NCOA2: variants seen among roughly 807,000 people sequenced by gnomAD.
NCOA2 encodes the protein nuclear receptor coactivator 2.
Under a neutral mutation model 145.1 loss-of-function variants are expected in NCOA2, and 21 were observed. The observed-to-expected ratio is 0.14, with a 90% CI of 0.10 to 0.21. The LOEUF is 0.21. Among genes scored for constraint, NCOA2 ranks in the 10% least tolerant of loss-of-function variants. The pLI is 1.00. For synonymous variants in NCOA2, 619 were observed against 637.5 expected (o/e 0.97, Z 0.44); for missense variants, 1,472 against 1,837.6 (o/e 0.80, Z 3.64).
intron 4 of NCOA2, among the ~76,000 whole-genome samples, chr8:70,212,689 T>A (rs1306999484): frequency 6.6e-6 from 1 of 152,164 alleles, no homozygotes; most frequent in Non-Finnish European, 1.5e-5. Flanking sequence ...GGCTCATGTA[T>A]TATAAAGACA....
chr8:70,438,927 T>C, the NCOA2 span, among the ~76,000 whole-genome samples: 1 of 152,136 alleles, frequency 6.6e-6, no homozygotes, highest in African/African-American at 2.4e-5. Flanking sequence ...ATTCCAATGG[T>C]TTTCTGCATT....
intron 2 of NCOA2, among the ~76,000 whole-genome samples, chr8:70,254,538 T>C (rs1823473072): frequency 6.6e-6 from 1 of 152,126 alleles, no homozygotes; most frequent in Non-Finnish European, 1.5e-5. Flanking sequence ...GAAAAAGAAA[T>C]TTTAACACCA....
At chr8:70,148,222 T>C (rs1811323236) in intron 12 of NCOA2, 51 bp downstream of exon 12, 22 of 1,545,906 alleles carry the variant, frequency 1.4e-5, no homozygotes, top group Non-Finnish European at 2.0e-5. Context: ...CTGTTTCTGA[T>C]AGTGATTATA....
At chr8:70,319,252 T>A (rs1390938344) in intron 1 of NCOA2, among the ~76,000 whole-genome samples, 1 of 152,004 alleles carries the variant, frequency 6.6e-6, no homozygotes, top group Non-Finnish European at 1.5e-5. Context: ...TATAAAGAGC[T>A]CTATTTAGGC....
At chr8:70,122,778 TCTA>T (rs1290249292) in intron 21 of NCOA2, among the ~76,000 whole-genome samples, 1 of 152,220 alleles carries the variant, frequency 6.6e-6, no homozygotes, top group East Asian at 1.9e-4. Flanking sequence ...AAAATTGTGG[TCTA>T]CTAACAGAAT....
At chr8:70,256,464 A>G (rs1258340538) in intron 2 of NCOA2, among the ~76,000 whole-genome samples, 1 of 152,240 alleles carries the variant, frequency 6.6e-6, no homozygotes, top group Non-Finnish European at 1.5e-5. Context: ...ATGAAGAAGC[A>G]GTAGTATTGT....
At chr8:70,321,619 G>T (rs536988166) in intron 1 of NCOA2, among the ~76,000 whole-genome samples, 4 of 152,102 alleles carry the variant, frequency 2.6e-5, no homozygotes, top group African/African-American at 9.6e-5. Flanking sequence ...TCTCACAGAG[G>T]AAGTAGACTT....
At chr8:70,233,252 T>C (rs948915765) in intron 2 of NCOA2, among the ~76,000 whole-genome samples, 8 of 152,008 alleles carry the variant, frequency 5.3e-5, no homozygotes, top group Non-Finnish European at 7.4e-5. Context: ...ACGTGTCATA[T>C]ACCATATTTC....
intron 1 of NCOA2, among the ~76,000 whole-genome samples, chr8:70,300,446 T>C (rs931798451): frequency 6.6e-6 from 1 of 152,212 alleles, no homozygotes; most frequent in Non-Finnish European, 1.5e-5. Context: ...AGGGTAAAGG[T>C]AGTTCTAGCT....
intron 1 of NCOA2, among the ~76,000 whole-genome samples, chr8:70,347,135 T>A (rs1487512637): frequency 6.6e-6 from 1 of 152,146 alleles, no homozygotes; most frequent in Non-Finnish European, 1.5e-5. Context: ...TTTACACACA[T>A]GTACTTTTAT....
intron 3 of NCOA2, among the ~76,000 whole-genome samples, 169 bp downstream of exon 3, chr8:70,216,491 G>C (rs1819633119): frequency 6.6e-6 from 1 of 152,148 alleles, no homozygotes; most frequent in African/African-American, 2.4e-5. Flanking sequence ...ATCTGTAACT[G>C]ATTTGCATAT....
the NCOA2 span, among the ~76,000 whole-genome samples, chr8:70,426,446 T>C: frequency 6.6e-6 from 1 of 152,204 alleles, no homozygotes; most frequent in African/African-American, 2.4e-5. Context: ...AGAAATCAAT[T>C]CAAATTGACA....
intron 1 of NCOA2, among the ~76,000 whole-genome samples, chr8:70,379,643 G>A (rs998790091): frequency 5.9e-5 from 9 of 151,922 alleles, no homozygotes; most frequent in East Asian, 1.9e-4. Flanking sequence ...AAGCACACCC[G>A]AAGAGAAAAA....
chr8:70,111,927 G>T lies in NCOA2; in HGVS notation c.*1705C>A, dbSNP rs1350700560. 3 of 221,920 alleles carry T rather than the reference G, an allele frequency of 1.4e-5. No homozygotes were observed. The Admixed American group carries it at 1.7e-4, about 13-fold the overall frequency. 13.7% of individuals were successfully genotyped at this position (221,920 alleles called of 1,614,324 possible). A position where few individuals can be genotyped will look rare whatever the true frequency, so the allele number is the denominator to read the frequency against. ...AATTTAGGTAAGAAAGGTATTAGGG[G>T]TTAAGGAGAAATAGCTCAAAAAAGG... On this transcript the variant is annotated 3_prime_UTR_variant, in exon 23 of 23. Coordinates refer to ENST00000452400, the MANE Select transcript of NCOA2 (RefSeq NM_006540.4).
At chr8:70,229,781 T>C (rs547475890) in intron 2 of NCOA2, among the ~76,000 whole-genome samples, 2 of 152,276 alleles carry the variant, frequency 1.3e-5, no homozygotes, top group South Asian at 4.1e-4. Context: ...GAAAGGAGAC[T>C]TCGGAGGTGA....
At chr8:70,448,153 C>T in the NCOA2 span, among the ~76,000 whole-genome samples, 1 of 151,700 alleles carries the variant, frequency 6.6e-6, no homozygotes, top group Non-Finnish European at 1.5e-5. Flanking sequence ...AAAATGGAGG[C>T]TAATGCTAAT....
chr8:70,128,470 T>C lies in NCOA2; in HGVS notation c.3644A>G (p.Asn1215Ser), dbSNP rs368382490. 6.8e-6 allele frequency: 11 copies of C among 1,612,950 alleles called. No individual in the cohort carries two copies. The highest frequency in any genetic ancestry group is 2.2e-5 in the East Asian group (1 of 44,890). The part of the protein sequence containing the change: ...PLMNQISNVS[N>S]VNLTLRPGVP... Reference sequence around the variant, plus strand: ...TCCAGGCCTCAGAGTCAAGTTCACATTGGAAACATTGCTGATTTGATTCAT... The same window carrying C: ...TCCAGGCCTCAGAGTCAAGTTCACACTGGAAACATTGCTGATTTGATTCAT... The change falls in exon 18 of 23, where the codon AAT becomes AGT. Residue 1215 changes from asparagine to serine, a missense_variant. Asn to Ser is a conservative substitution (Grantham distance 46). Coordinates refer to ENST00000452400, the MANE Select transcript of NCOA2 (RefSeq NM_006540.4).
At chr8:70,289,076 T>C (rs1000971306) in intron 2 of NCOA2, among the ~76,000 whole-genome samples, 7 of 152,224 alleles carry the variant, frequency 4.6e-5, no homozygotes, top group African/African-American at 1.7e-4. Flanking sequence ...TCTATTCAAA[T>C]ATAATAGCGT....
At chr8:70,421,628 T>G in the NCOA2 span, among the ~76,000 whole-genome samples, 2 of 149,024 alleles carry the variant, frequency 1.3e-5, no homozygotes, top group Non-Finnish European at 2.9e-5. Context: ...AAACTATATG[T>G]GTCTGTGGAT....
Sources: gnomAD v4.1 joint callset for allele counts (sites outside exome capture counted in the v4.1 genomes callset) on GRCh38, gnomAD v4.1.1 for gene constraint, MANE v1.5 for transcripts, NCBI Gene and HGNC (gene_info 2026-07-23, HGNC 2026-07-21) for gene names.